Variants in PCDH9 observed in about 807,000 individuals in gnomAD.
The protein encoded by PCDH9 is protocadherin 9.
A neutral mutation model predicts 70.6 loss-of-function variants in PCDH9; 24 were observed. The observed-to-expected ratio is 0.34, with a 90% CI of 0.25 to 0.48. PCDH9 has a LOEUF of 0.48. Among genes scored for constraint, PCDH9 ranks in the 20% least tolerant of loss-of-function variants. PCDH9 has a pLI of 0.99. For synonymous variants in PCDH9, 562 were observed against 558.5 expected, an observed-to-expected ratio of 1.01 and a Z score of -0.09; for missense variants, 1,281 against 1,503.6, an observed-to-expected ratio of 0.85 and a Z score of 2.45.
intron 2 of PCDH9, among the ~76,000 whole-genome samples, chr13:66,921,866 C>T (rs1373065141): frequency 2.0e-5 from 3 of 151,304 alleles, no homozygotes; most frequent in Non-Finnish European, 3.0e-5. Flanking sequence ...GTCATTTAAA[C>T]TGTCCTGAAA....
chr13:67,193,387 T>A (rs1440242451), intron 2 of PCDH9, among the ~76,000 whole-genome samples: 1 of 151,636 alleles, frequency 6.6e-6, no homozygotes, highest in Non-Finnish European at 1.5e-5. Context: ...AAAAAATCAA[T>A]CTCTGGCACT....
intron 2 of PCDH9, among the ~76,000 whole-genome samples, chr13:66,904,419 G>A (rs1485683994): frequency 1.3e-5 from 2 of 151,870 alleles, no homozygotes; most frequent in Non-Finnish European, 2.9e-5. Context: ...CTCAAGGCAA[G>A]CAATATTTGT....
At chr13:66,439,461 TA>T (rs1385223018) in intron 4 of PCDH9, among the ~76,000 whole-genome samples, 1 of 152,160 alleles carries the variant, frequency 6.6e-6, no homozygotes, top group Non-Finnish European at 1.5e-5. Flanking sequence ...ATAAAATAGG[TA>T]ACTATTCAAG....
At chr13:66,439,657 A>C (rs1266808384) in intron 4 of PCDH9, among the ~76,000 whole-genome samples, 1 of 152,176 alleles carries the variant, frequency 6.6e-6, no homozygotes, top group Non-Finnish European at 1.5e-5. Flanking sequence ...TGTTTTTATT[A>C]TTGACAGATC....
rs549567026 is a variant in PCDH9, at chr13:66,420,352, C to T, written c.3341-115324G>A. The stretch of plus-strand genomic sequence containing the variant: ...GGACAGACTGCCTCCTCAAGTGGGT[C>T]GCTGACCCCTGTGCCTCATGATGGG... On this transcript the variant is annotated intron_variant, in intron 4 of 4. Transcript: ENST00000377865. Among the ~76,000 whole-genome samples, 23 of 152,298 alleles carry T rather than the reference C, an allele frequency of 1.5e-4. No individual in the cohort carries two copies. In the South Asian group the frequency reaches 4.1e-3, roughly 27 times the overall value.
chr13:67,161,997 A>G (rs2087975929), intron 2 of PCDH9, among the ~76,000 whole-genome samples: 1 of 152,198 alleles, frequency 6.6e-6, no homozygotes, highest in African/African-American at 2.4e-5. Context: ...AGCCTAATCC[A>G]CAGTCTAAGT....
chr13:67,088,075 T>G (rs947895899), intron 2 of PCDH9, among the ~76,000 whole-genome samples: 13 of 150,878 alleles, frequency 8.6e-5, no homozygotes, highest in Non-Finnish European at 1.8e-4. Context: ...ATGTGAAAGA[T>G]AGGGAATTTG....
intron 4 of PCDH9, among the ~76,000 whole-genome samples, chr13:66,376,940 T>A (rs1956758713): frequency 6.6e-6 from 1 of 152,164 alleles, no homozygotes; most frequent in South Asian, 2.1e-4. Context: ...ATAGCATCAG[T>A]AATATGGCCT....
At chr13:66,901,683 C>T (rs2139594457) in intron 3 of PCDH9, among the ~76,000 whole-genome samples, 1 of 151,568 alleles carries the variant, frequency 6.6e-6, no homozygotes, top group East Asian at 1.9e-4. Context: ...TTAGTCAAAC[C>T]CTGTGCAAGC....
rs1473770437 is a variant in PCDH9 at position 66,567,292 on chromosome 13, A to G, written c.3340+63918T>C. Among the ~76,000 whole-genome samples the G allele has an allele frequency of 2.0e-5, 3 of 152,126 alleles. No homozygotes were observed. The East Asian group carries it at 5.8e-4, about 29-fold the overall frequency. On this transcript the variant is annotated intron_variant, in intron 4 of 4. Transcript: ENST00000377865. ...TAGGGAGGAAAAGTTTGCATATTTG[A>G]CAGTACCAGACTACATTTGAATAAA...
chr13:67,002,496 T>C (rs1007967609), intron 2 of PCDH9, among the ~76,000 whole-genome samples: 2 of 128,544 alleles, frequency 1.6e-5, no homozygotes, highest in African/African-American at 2.8e-5. Context: ...CACTATTCTG[T>C]TTTAAAATTA....
intron 2 of PCDH9, chr13:67,221,443 C>T (rs761502742): frequency 3.3e-5 from 5 of 152,092 alleles, no homozygotes; most frequent in East Asian, 1.9e-4. Context: ...AAGTACAGCA[C>T]GCATACACAT....
intron 2 of PCDH9, among the ~76,000 whole-genome samples, chr13:67,175,597 A>G (rs2088428184): frequency 6.6e-6 from 1 of 152,184 alleles, no homozygotes. Flanking sequence ...TACTACCCAT[A>G]CATTAGTCCT....
intron 4 of PCDH9, among the ~76,000 whole-genome samples, chr13:66,544,636 T>A (rs954149772): frequency 6.6e-6 from 1 of 152,134 alleles, no homozygotes; most frequent in African/African-American, 2.4e-5. Context: ...GTACTTGCAA[T>A]TATATGCAAA....
At chr13:66,651,606 T>G (rs777421922) in intron 3 of PCDH9, among the ~76,000 whole-genome samples, 7 of 151,998 alleles carry the variant, frequency 4.6e-5, no homozygotes, top group Non-Finnish European at 8.8e-5. Flanking sequence ...AATACCAATC[T>G]GACTAAAACT....
At chr13:66,364,594 T>C (rs1461196674) in intron 4 of PCDH9, among the ~76,000 whole-genome samples, 4 of 152,200 alleles carry the variant, frequency 2.6e-5, no homozygotes, top group African/African-American at 9.6e-5. Context: ...ATCTCCTTTC[T>C]ACCCACTGCA....
At chr13:66,784,465 G>C (rs190680019) in intron 3 of PCDH9, among the ~76,000 whole-genome samples, 15 of 152,218 alleles carry the variant, frequency 9.9e-5, no homozygotes, top group Non-Finnish European at 1.9e-4. Context: ...TGGCACACCA[G>C]GAAGCAATCC....
intron 4 of PCDH9, among the ~76,000 whole-genome samples, chr13:66,565,571 C>T (rs2076641189): frequency 6.6e-6 from 1 of 152,188 alleles, no homozygotes; most frequent in African/African-American, 2.4e-5. Flanking sequence ...TCACACTCTG[C>T]TGTAGACCTC....
At chr13:66,725,883 T>TA (rs2078999457) in intron 3 of PCDH9, among the ~76,000 whole-genome samples, 2 of 152,168 alleles carry the variant, frequency 1.3e-5, no homozygotes, top group African/African-American at 4.8e-5. Context: ...TCATTTCCAT[T>TA]ATTATCACTT....
Sources: gnomAD v4.1 joint callset for allele counts (sites outside exome capture counted in the v4.1 genomes callset) on GRCh38, gnomAD v4.1.1 for gene constraint, MANE v1.5 for transcripts, NCBI Gene and HGNC (gene_info 2026-07-23, HGNC 2026-07-21) for gene names.